NRXN1: variants seen among roughly 807,000 people sequenced by gnomAD.
NRXN1 encodes the protein neurexin 1, also known as neurexin-1.
NRXN1 carries 39 observed loss-of-function variants against 150.9 expected under a neutral mutation model. The ratio of observed to expected loss-of-function variants is 0.26; its 90% confidence interval spans 0.20 to 0.34. NRXN1 has a LOEUF of 0.34. Among genes scored for constraint, NRXN1 ranks in the 10% least tolerant of loss-of-function variants. The probability of loss-of-function intolerance (pLI) is 1.00; values close to 1 mark genes in which losing one functional copy is unlikely to be tolerated. For missense variants in NRXN1, 1,815 were observed against 1,949.9 expected (o/e 0.93, Z 1.30); for synonymous variants, 924 against 757.0 (o/e 1.22, Z -3.62).
intron 17 of NRXN1, among the ~76,000 whole-genome samples, chr2:50,246,499 A>G (rs955974873): frequency 6.6e-6 from 1 of 152,068 alleles, no homozygotes; most frequent in South Asian, 2.1e-4. Context: ...AGTTCTACTC[A>G]TTTATCTTCT....
intron 5 of NRXN1, among the ~76,000 whole-genome samples, chr2:50,650,087 G>A (rs569714309): frequency 6.6e-6 from 1 of 152,092 alleles, no homozygotes; most frequent in Admixed American, 6.6e-5. Context: ...CCTCAGTTGT[G>A]CACTGTCCTC....
At chr2:50,608,628 A>C (rs1677527159) in intron 8 of NRXN1, among the ~76,000 whole-genome samples, 1 of 152,210 alleles carries the variant, frequency 6.6e-6, no homozygotes, top group Admixed American at 6.6e-5. Flanking sequence ...TTAAATAATA[A>C]CTAAAGGTAA....
intron 17 of NRXN1, among the ~76,000 whole-genome samples, chr2:50,442,379 T>C (rs2086032276): frequency 6.6e-6 from 1 of 152,174 alleles, no homozygotes; most frequent in South Asian, 2.1e-4. Context: ...CACATATCCT[T>C]AAATTTCCTT....
intron 12 of NRXN1, among the ~76,000 whole-genome samples, chr2:50,515,600 G>GGTGTGT (rs60612860): frequency 0.01 from 1,495 of 143,494 alleles, 24 homozygotes; most frequent in African/African-American, 0.029. Context: ...AAATGCTTGG[G>GGTGTGT]GTGTGTGTGT....
intron 5 of NRXN1, among the ~76,000 whole-genome samples, chr2:50,640,992 G>T (rs13390911): frequency 6.6e-6 from 1 of 152,026 alleles, no homozygotes; most frequent in Non-Finnish European, 1.5e-5. Context: ...TCCTGAAACA[G>T]TTTAAGAGAA....
intron 17 of NRXN1, among the ~76,000 whole-genome samples, chr2:50,462,951 C>T (rs1186182047): frequency 6.6e-6 from 1 of 151,674 alleles, no homozygotes; most frequent in African/African-American, 2.4e-5. Context: ...GTGGCATGTT[C>T]GTTTCCCCAT....
intron 5 of NRXN1, among the ~76,000 whole-genome samples, chr2:50,897,085 T>G (rs1682091628): frequency 6.6e-6 from 1 of 152,208 alleles, no homozygotes; most frequent in South Asian, 2.1e-4. Flanking sequence ...ATTTTCATTC[T>G]AAGTAACTGT....
At chr2:50,677,473 A>G (rs139063394) in intron 5 of NRXN1, among the ~76,000 whole-genome samples, 2,157 of 152,204 alleles carry the variant, frequency 0.014, 48 homozygotes, top group African/African-American at 0.049. Flanking sequence ...CTAGAGGGAT[A>G]TTTTTGTTAG....
intron 18 of NRXN1, among the ~76,000 whole-genome samples, chr2:50,125,281 T>C (rs985955963): frequency 1.3e-5 from 2 of 152,198 alleles, no homozygotes; most frequent in Admixed American, 6.5e-5. Context: ...AGCATTTGAA[T>C]GTAAAAATTG....
chr2:50,501,385 A>ATGTGTG (rs1243086868), intron 13 of NRXN1, among the ~76,000 whole-genome samples: 2 of 73,578 alleles, frequency 2.7e-5, no homozygotes, highest in African/African-American at 5.1e-5. Context: ...TGACTCGTGT[A>ATGTGTG]TGTGTGTGTG....
intron 22 of NRXN1, among the ~76,000 whole-genome samples, chr2:49,932,817 T>A (rs1214666190): frequency 1.3e-5 from 2 of 152,206 alleles, no homozygotes; most frequent in Non-Finnish European, 2.9e-5. Context: ...AAATTTCATC[T>A]AATTTATTTC....
intron 21 of NRXN1, among the ~76,000 whole-genome samples, chr2:50,035,942 A>G (rs1689965700): frequency 6.6e-6 from 1 of 152,158 alleles, no homozygotes; most frequent in African/African-American, 2.4e-5. Context: ...TATAAGACTT[A>G]AACAGCACCT....
chr2:50,620,677 C>T (rs1476233014), intron 7 of NRXN1, among the ~76,000 whole-genome samples: 1 of 152,180 alleles, frequency 6.6e-6, no homozygotes, highest in Non-Finnish European at 1.5e-5. Context: ...GTGCCTAAGT[C>T]CATGCCAAAG....
At chr2:51,019,231 G>C (rs1341034356) in intron 2 of NRXN1, among the ~76,000 whole-genome samples, 1 of 152,020 alleles carries the variant, frequency 6.6e-6, no homozygotes, top group Non-Finnish European at 1.5e-5. Flanking sequence ...CCATTTACGA[G>C]CTACTGAACT....
intron 17 of NRXN1, among the ~76,000 whole-genome samples, chr2:50,297,263 T>C (rs966835090): frequency 6.6e-6 from 1 of 152,170 alleles, no homozygotes; most frequent in African/African-American, 2.4e-5. Context: ...AGTCACCTAT[T>C]GATGGACACT....
intron 12 of NRXN1, among the ~76,000 whole-genome samples, chr2:50,507,334 T>A: frequency 6.7e-6 from 1 of 149,676 alleles, no homozygotes; most frequent in Non-Finnish European, 1.5e-5. Context: ...GGTGTAGGTA[T>A]AAGTATTGAC....
At chr2:50,000,470 C>G (rs1365650734) in intron 21 of NRXN1, among the ~76,000 whole-genome samples, 4 of 152,154 alleles carry the variant, frequency 2.6e-5, no homozygotes. Context: ...CACAAATTTG[C>G]TACTTATCTC....
chr2:50,454,497 A>G (rs2087328809), intron 17 of NRXN1, among the ~76,000 whole-genome samples: 2 of 152,126 alleles, frequency 1.3e-5, no homozygotes, highest in African/African-American at 2.4e-5. Flanking sequence ...AACTTTTCCT[A>G]GATACACACA....
intron 2 of NRXN1, among the ~76,000 whole-genome samples, chr2:50,942,354 C>T (rs538303417): frequency 4.0e-4 from 61 of 152,284 alleles, no homozygotes; most frequent in African/African-American, 1.4e-3. Context: ...GAGGCACTGC[C>T]TAGTGGAGTT....
Sources: allele counts gnomAD v4.1 joint callset (sites outside exome capture counted in the v4.1 genomes callset), GRCh38; gene constraint gnomAD v4.1.1; transcripts MANE v1.5; gene names NCBI Gene and HGNC (gene_info 2026-07-23, HGNC 2026-07-21).